Variants in PBK observed in about 807,000 individuals in gnomAD.
PBK encodes PDZ binding kinase, also known as lymphokine-activated killer T-cell-originated protein kinase.
Under a neutral mutation model 33.5 loss-of-function variants are expected in PBK, and 22 were observed. The ratio of observed to expected loss-of-function variants is 0.66; its 90% CI spans 0.47 to 0.94. The LOEUF is 0.94. Ranked by LOEUF, PBK falls within the 40% of genes least tolerant of loss-of-function variation. The pLI is 0.00. For missense variants in PBK, 376 were observed against 383.4 expected (o/e 0.98, Z 0.16); for synonymous variants, 129 against 123.8 (o/e 1.04, Z -0.28).
chr8:27,811,001 TAA>T lies in PBK; in HGVS notation c.727_728del (p.Leu243IlefsTer6), dbSNP rs1255526741. 1 of 1,612,394 alleles carries T rather than the reference TAA, an allele frequency of 6.2e-7. No homozygotes were observed. Among genetic ancestry groups the T allele is most frequent in the East Asian group, 2.2e-5 (1 of 44,874 alleles). On this transcript the variant is annotated frameshift_variant, in exon 7 of 8. Transcript: ENST00000301905. LOFTEE classifies it high-confidence loss of function. ...FGLTLWEMMT[L>X]SIPHINLSND... ...TTGAAAGATTAATGTGTGGAATCGA[TAA>T]AGTCATCATTTCCCACAAAGTAAGG...
In PBK at chr8:27,822,305, A is replaced by G. The variant is rs761388469; in HGVS notation, c.465+14T>C. 6.5e-7 allele frequency: 1 copy of G among 1,542,960 alleles called. No homozygotes were observed. Among genetic ancestry groups the G allele is most frequent in the Admixed American group, 1.9e-5 (1 of 52,534 alleles). ...CAAAAACAGAAGTCATTTAAAATAT[A>G]ATGACATAGTTACCTTTAACCCTCT... On this transcript the variant is annotated intron_variant, in intron 5 of 7. Coordinates refer to ENST00000301905, the MANE Select transcript of PBK (RefSeq NM_018492.4).
chr8:27,816,376 TA>T lies in PBK; in HGVS notation c.595+4188del, dbSNP rs1419609064. On this transcript the variant is annotated intron_variant, in intron 6 of 7. Coordinates refer to ENST00000301905, the MANE Select transcript of PBK (RefSeq NM_018492.4). ...ATATATATTTATTTATTTATTTATT[TA>T]TTTTAATTTATTTTTTTTTGAGATG... Among the ~76,000 whole-genome samples, 96 of 110,644 alleles carry T rather than the reference TA, an allele frequency of 8.7e-4. 1 individual carries two copies. The highest frequency in any genetic ancestry group is 3.1e-3 in the African/African-American group (93 of 30,042). 72.6% of individuals were successfully genotyped at this position (110,644 alleles called of 152,430 possible).
chr8:27,810,452 C>G lies in PBK; in HGVS notation c.822G>C (p.Ala274=), dbSNP rs2294092. The G allele has an allele frequency of 0.43, 694,563 of 1,605,480 alleles. 152,074 individuals carry two copies. The highest frequency in any genetic ancestry group is 0.55 in the Middle Eastern group (3,330 of 6,028). Residue 274 remains alanine, a synonymous_variant, in exon 8 of 8, where the codon GCG becomes GCC. Transcript: ENST00000301905. ...SDFDDEAYYA[A]LGTRPPINME... ...TATTAATAGGTGGCCTAGTTCCCAA[C>G]GCTGCATAGTATGCTTCATCATCAA...
intron 1 of PBK, among the ~76,000 whole-genome samples, chr8:27,833,443 A>G (rs914001732): frequency 6.6e-6 from 1 of 151,516 alleles, no homozygotes; most frequent in African/African-American, 2.4e-5. Flanking sequence ...TGGGAGGCAG[A>G]GGTTGCGGTG....
chr8:27,820,301 CA>C (rs1234429614), intron 6 of PBK, among the ~76,000 whole-genome samples: 1 of 152,082 alleles, frequency 6.6e-6, no homozygotes, highest in Non-Finnish European at 1.5e-5. Context: ...TTAAAGATCC[CA>C]ATCCAGTTAG....
In PBK at chr8:27,820,600, A is replaced by G. The variant is rs779518210; in HGVS notation, c.560T>C (p.Val187Ala). 1.3e-6 allele frequency: 2 copies of G among 1,578,592 alleles called. No homozygotes were observed. The highest frequency in any genetic ancestry group is 1.7e-6 in the Non-Finnish European group (2 of 1,150,296). Residue 187 changes from valine to alanine, a missense_variant, in exon 6 of 8, where the codon GTA becomes GCA. Transcript: ENST00000301905. ...GDFETIKICDVGVSLPLDENM... is the reference protein window; with the variant it reads ...GDFETIKICDAGVSLPLDENM... ...TTCATCCAGTGGTAGAGAGACTCCTACATCACAGATTTTAATTGTTTCAAA... is the reference window on the plus strand; with the variant it reads ...TTCATCCAGTGGTAGAGAGACTCCTGCATCACAGATTTTAATTGTTTCAAA...
intron 6 of PBK, among the ~76,000 whole-genome samples, chr8:27,817,212 A>C (rs901701418): frequency 2.0e-5 from 3 of 152,152 alleles, no homozygotes; most frequent in African/African-American, 7.2e-5. Context: ...AGCCAGATCA[A>C]ATTTTTCATC....
intron 1 of PBK, among the ~76,000 whole-genome samples, chr8:27,837,203 G>C (rs1310491228): frequency 1.3e-5 from 2 of 152,192 alleles, no homozygotes; most frequent in Admixed American, 1.3e-4. Context: ...GCATTAAAGT[G>C]AGCAGCGCTC....
chr8:27,826,048 CAGA>C (rs1481248241), intron 3 of PBK, among the ~76,000 whole-genome samples: 5 of 152,158 alleles, frequency 3.3e-5, no homozygotes, highest in African/African-American at 9.7e-5. Context: ...TACCGACATA[CAGA>C]AGATCATACC....
At chr8:27,820,988 TA>T (rs1805916730) in intron 5 of PBK, among the ~76,000 whole-genome samples, 2 of 151,310 alleles carry the variant, frequency 1.3e-5, no homozygotes, top group Non-Finnish European at 2.9e-5. Flanking sequence ...CACACCTGGC[TA>T]ATTTTTGTAT....
Position 27,822,349 on chromosome 8 carries a change from T to C in PBK, c.435A>G (p.Lys145=), listed in dbSNP as rs935626169. 6.2e-7 allele frequency: 1 copy of C among 1,612,802 alleles called. No homozygotes were observed. Among genetic ancestry groups the C allele is most frequent in the Admixed American group, 1.7e-5 (1 of 59,802 alleles). The change falls in exon 5 of 8, where the codon AAA becomes AAG. Residue 145 remains lysine (K), a synonymous_variant. Transcript: ENST00000301905. ...ACCCTCTTGCCATATTCAAAGCAAC[T>C]TTTAAAATTATGGCTGCTGGAAAAG... The part of the protein sequence containing the change: ...QDPFPAAIIL[K]VALNMARGLK...
chr8:27,822,866 T>C lies in PBK; in HGVS notation c.295+197A>G, dbSNP rs182109130. On this transcript the variant is annotated intron_variant, in intron 4 of 7. Transcript: ENST00000301905. The stretch of plus-strand genomic sequence containing the variant: ...AACATAATTATTATATCTGTTCTCA[T>C]GAAGTTTATATACTTAGGCATCAAA... Among the ~76,000 whole-genome samples, 24 of 152,296 alleles carry C rather than the reference T, an allele frequency of 1.6e-4. No individual in the cohort carries two copies. In the East Asian group the frequency reaches 2.7e-3, roughly 17 times the overall value.
At chr8:27,810,674 G>A (rs756308805) in intron 7 of PBK, among the ~76,000 whole-genome samples, 173 bp from the exon 8 acceptor site, 6 of 152,132 alleles carry the variant, frequency 3.9e-5, no homozygotes, top group Non-Finnish European at 8.8e-5. Context: ...ATTTGCTTTA[G>A]TCTTGGATTT....
intron 2 of PBK, among the ~76,000 whole-genome samples, chr8:27,829,836 C>T (rs765621213): frequency 1.3e-5 from 2 of 151,132 alleles, no homozygotes; most frequent in African/African-American, 2.4e-5. Context: ...CATTGCACTC[C>T]AGCCTGGGCG....
At chr8:27,813,631 G>T (rs77164946) in intron 6 of PBK, among the ~76,000 whole-genome samples, 15,330 of 151,794 alleles carry the variant, frequency 0.1, 827 homozygotes, top group Middle Eastern at 0.16. Flanking sequence ...CCATTTTTTT[G>T]TGTGTGTGAG....
At chr8:27,833,812 C>G (rs1806177163) in intron 1 of PBK, among the ~76,000 whole-genome samples, 1 of 152,046 alleles carries the variant, frequency 6.6e-6, no homozygotes, top group Non-Finnish European at 1.5e-5. Flanking sequence ...TTTAAGGAAA[C>G]TGTTCAAGCA....
chr8:27,832,847 A>G (rs1262154865), intron 2 of PBK, among the ~76,000 whole-genome samples: 8 of 152,184 alleles, frequency 5.3e-5, no homozygotes, highest in Admixed American at 5.2e-4. Flanking sequence ...AGAGCCTCCA[A>G]ACCTGTTAGA....
At chr8:27,832,894 G>A (rs1372425926) in intron 2 of PBK, 162 bp downstream of exon 2, 2 of 534,480 alleles carry the variant, frequency 3.7e-6, no homozygotes, top group African/African-American at 3.9e-5. Flanking sequence ...ATCAAACCGT[G>A]GCCTATAAAA....
intron 1 of PBK, among the ~76,000 whole-genome samples, chr8:27,836,989 A>AT (rs1806238415): frequency 6.6e-6 from 1 of 152,174 alleles, no homozygotes; most frequent in African/African-American, 2.4e-5. Context: ...TATGTTATGT[A>AT]TTGTATATGC....
Sources: gnomAD v4.1 joint callset for allele counts (sites outside exome capture counted in the v4.1 genomes callset) on GRCh38, gnomAD v4.1.1 for gene constraint, MANE v1.5 for transcripts, NCBI Gene and HGNC (gene_info 2026-07-23, HGNC 2026-07-21) for gene names.